The following PDZRN3 variants were observed in gnomAD, a reference collection of about 807,000 sequenced individuals.
PDZRN3 encodes the protein E3 ubiquitin-protein ligase PDZRN3.
A neutral mutation model predicts 85.7 loss-of-function variants in PDZRN3; 38 were observed. That is an observed-to-expected ratio of 0.44 (90% CI 0.34 to 0.58). PDZRN3 has a LOEUF of 0.58. PDZRN3 is among the 20% of genes least tolerant of loss of function. PDZRN3 has a pLI of 0.01. For synonymous variants in PDZRN3, 759 were observed against 638.0 expected (o/e 1.19, Z -2.86); for missense variants, 1,629 against 1,506.4 (o/e 1.08, Z -1.35).
intron 3 of PDZRN3, among the ~76,000 whole-genome samples, chr3:73,465,996 T>C (rs1703205016): frequency 6.6e-6 from 1 of 152,214 alleles, no homozygotes. Flanking sequence ...TACTGAAGAT[T>C]GTATTTTCCT....
chr3:73,500,331 G>A (rs1703953462), intron 3 of PDZRN3, among the ~76,000 whole-genome samples: 3 of 152,166 alleles, frequency 2.0e-5, no homozygotes, highest in Non-Finnish European at 2.9e-5. Flanking sequence ...TTATAGGCAT[G>A]AGCCACTGTG....
chr3:73,397,945 T>C (rs1701673457), intron 5 of PDZRN3, among the ~76,000 whole-genome samples: 1 of 152,210 alleles, frequency 6.6e-6, no homozygotes, highest in South Asian at 2.1e-4. Context: ...TAATGTCTAA[T>C]GGTCCTAATG....
intron 3 of PDZRN3, among the ~76,000 whole-genome samples, chr3:73,516,566 C>G (rs902675436): frequency 6.6e-6 from 1 of 152,188 alleles, no homozygotes; most frequent in African/African-American, 2.4e-5. Context: ...AGCCCTTCAT[C>G]TCCTCTTGCT....
intron 2 of PDZRN3, among the ~76,000 whole-genome samples, chr3:73,604,839 G>C (rs903418508): frequency 6.6e-6 from 1 of 152,090 alleles, no homozygotes; most frequent in Admixed American, 6.5e-5. Flanking sequence ...GAAAGTTCAA[G>C]CAAAAATCAG....
At chr3:73,396,157 C>T (rs766357145) in intron 5 of PDZRN3, among the ~76,000 whole-genome samples, 11 of 152,102 alleles carry the variant, frequency 7.2e-5, no homozygotes, top group Non-Finnish European at 1.6e-4. Flanking sequence ...TAGGCGGCTG[C>T]GGTGAGCCAA....
chr3:73,468,687 G>A (rs1347766876), intron 3 of PDZRN3, among the ~76,000 whole-genome samples: 1 of 152,116 alleles, frequency 6.6e-6, no homozygotes, highest in Non-Finnish European at 1.5e-5. Flanking sequence ...CTGAGGCAGT[G>A]TTCTTTAATT....
chr3:73,523,478 T>C (rs1704447132), intron 3 of PDZRN3, among the ~76,000 whole-genome samples: 1 of 152,152 alleles, frequency 6.6e-6, no homozygotes, highest in Non-Finnish European at 1.5e-5. Flanking sequence ...TACACATTAA[T>C]ATATGTACAT....
At chr3:73,566,326 T>C (rs1158265809) in intron 3 of PDZRN3, among the ~76,000 whole-genome samples, 1 of 152,180 alleles carries the variant, frequency 6.6e-6, no homozygotes, top group Admixed American at 6.5e-5. Context: ...TAACATTTTC[T>C]CAAAATATTT....
intron 3 of PDZRN3, among the ~76,000 whole-genome samples, chr3:73,454,852 T>C (rs1702946772): frequency 6.6e-6 from 1 of 152,096 alleles, no homozygotes; most frequent in African/African-American, 2.4e-5. Context: ...TCAAATATCA[T>C]CTCTATGTAT....
At chr3:73,469,105 A>T (rs58397552) in intron 3 of PDZRN3, among the ~76,000 whole-genome samples, 7,230 of 148,870 alleles carry the variant, frequency 0.049, 563 homozygotes, top group African/African-American at 0.17. Context: ...ATGAAGTCTC[A>T]CTCTGTCACC....
intron 3 of PDZRN3, among the ~76,000 whole-genome samples, chr3:73,460,072 G>A (rs769409064): frequency 1.3e-5 from 2 of 152,096 alleles, no homozygotes; most frequent in Non-Finnish European, 2.9e-5. Flanking sequence ...ATGATTTGAG[G>A]TAAAATATAC....
At chr3:73,492,983 C>CAT (rs1559707030) in intron 3 of PDZRN3, among the ~76,000 whole-genome samples, 6 of 29,376 alleles carry the variant, frequency 2.0e-4, no homozygotes, top group African/African-American at 3.6e-4. Flanking sequence ...GGCTTTTCAA[C>CAT]CTTTTTTTTT....
chr3:73,516,692 C>T (rs2106719055), intron 3 of PDZRN3, among the ~76,000 whole-genome samples: 1 of 152,238 alleles, frequency 6.6e-6, no homozygotes, highest in African/African-American at 2.4e-5. Context: ...AGATTCAGAC[C>T]TATAAATAGG....
chr3:73,584,602 G>A (rs1009293658), intron 3 of PDZRN3, among the ~76,000 whole-genome samples: 7 of 152,026 alleles, frequency 4.6e-5, no homozygotes. Flanking sequence ...TTGTTTTAAA[G>A]TCACTTGTAA....
chr3:73,454,976 A>G (rs1559688398), intron 3 of PDZRN3, among the ~76,000 whole-genome samples: 2 of 151,880 alleles, frequency 1.3e-5, no homozygotes, highest in African/African-American at 4.8e-5. Flanking sequence ...ATCTTGACTA[A>G]TTTCTCCTGG....
At chr3:73,530,167 T>A (rs1160219271) in intron 3 of PDZRN3, among the ~76,000 whole-genome samples, 1 of 152,204 alleles carries the variant, frequency 6.6e-6, no homozygotes. Flanking sequence ...CCACAGTGGT[T>A]CTGTTGATCT....
intron 3 of PDZRN3, among the ~76,000 whole-genome samples, chr3:73,418,416 T>C (rs1378233907): frequency 6.6e-6 from 1 of 152,210 alleles, no homozygotes; most frequent in African/African-American, 2.4e-5. Flanking sequence ...CAAAATAGTA[T>C]ACTTGCATCT....
At chr3:73,569,100 C>G (rs1559742447) in intron 3 of PDZRN3, 2 of 1,152,882 alleles carry the variant, frequency 1.7e-6, no homozygotes, top group Non-Finnish European at 2.3e-6. Flanking sequence ...GAACTTTGAA[C>G]CCAGCTCACC....
At chr3:73,439,205 T>C (rs1027539796) in intron 3 of PDZRN3, among the ~76,000 whole-genome samples, 4 of 152,156 alleles carry the variant, frequency 2.6e-5, no homozygotes, top group Admixed American at 2.6e-4. Flanking sequence ...TCCATAAATA[T>C]CTGATGAATA....
Sources: allele counts gnomAD v4.1 joint callset (sites outside exome capture counted in the v4.1 genomes callset), GRCh38; gene constraint gnomAD v4.1.1; transcripts MANE v1.5; gene names NCBI Gene and HGNC (gene_info 2026-07-23, HGNC 2026-07-21).